Variants in NAV2 observed in about 807,000 individuals in gnomAD.
NAV2 encodes neuron navigator 2.
In NAV2, 54 loss-of-function variants were observed where a neutral mutation model predicts 223.2. The observed-to-expected ratio is 0.24, with a 90% CI of 0.19 to 0.30. NAV2 has a LOEUF of 0.30. Ranked by LOEUF, NAV2 falls within the 10% of genes least tolerant of loss-of-function variation. The probability of loss-of-function intolerance (pLI) is 1.00; values close to 1 mark genes in which losing one functional copy is unlikely to be tolerated. For missense variants in NAV2, 2,806 were observed against 3,147.5 expected (o/e 0.89, Z 2.60); for synonymous variants, 1,279 against 1,239.3 (o/e 1.03, Z -0.67).
At chr11:19,794,235 T>C (rs2152740841) in intron 1 of NAV2, among the ~76,000 whole-genome samples, 1 of 152,318 alleles carries the variant, frequency 6.6e-6, no homozygotes, top group Non-Finnish European at 1.5e-5. Context: ...TGCTCGGCGT[T>C]GTAAGGAGGC....
rs2046240342 is a variant in NAV2 at position 19,597,738 on chromosome 11, GA to G, written c.76-234744del. Among the ~76,000 whole-genome samples the G allele has an allele frequency of 3.9e-5, 6 of 152,248 alleles. 2 individuals are homozygous for G. Among genetic ancestry groups the G allele is most frequent in the Admixed American group, 3.9e-4 (6 of 15,288 alleles). ...ATTCCAGCTTCATGCCCAAGCTGCG[GA>G]AGTCTAAACAAGTGGGCATTTTTAG... On this transcript the variant is annotated intron_variant, in intron 1 of 37. Coordinates refer to the NAV2 transcript ENST00000360655.
chr11:19,616,334 G>GTGTT (rs1565102899), intron 1 of NAV2, among the ~76,000 whole-genome samples: 1 of 148,716 alleles, frequency 6.7e-6, no homozygotes, highest in Non-Finnish European at 1.5e-5. Flanking sequence ...GTGTGTGTGT[G>GTGTT]TGCGCGCGCA....
intron 3 of NAV2, among the ~76,000 whole-genome samples, chr11:19,861,229 G>A (rs1282848737): frequency 1.3e-5 from 2 of 152,176 alleles, no homozygotes; most frequent in Non-Finnish European, 2.9e-5. Context: ...GTGTGAATTT[G>A]TTTATCAGCA....
At chr11:19,766,333 G>A (rs2055221623) in intron 1 of NAV2, among the ~76,000 whole-genome samples, 1 of 152,106 alleles carries the variant, frequency 6.6e-6, no homozygotes, top group Non-Finnish European at 1.5e-5. Context: ...GTGCTGTCAT[G>A]GTCTGAAGGG....
chr11:19,989,831 C>T (rs2051151311), intron 11 of NAV2, among the ~76,000 whole-genome samples: 1 of 152,036 alleles, frequency 6.6e-6, no homozygotes, highest in South Asian at 2.1e-4. Flanking sequence ...GGATTCAAAC[C>T]CAGGCCTGTC....
At chr11:20,047,581 C>G (rs918128983) in intron 14 of NAV2, among the ~76,000 whole-genome samples, 2 of 152,190 alleles carry the variant, frequency 1.3e-5, no homozygotes, top group Non-Finnish European at 1.5e-5. Flanking sequence ...TTTGAAGTAA[C>G]GAGGTCCCTG....
At chr11:19,884,314 CT>C in intron 5 of NAV2, 1 of 1,614,026 alleles carries the variant, frequency 6.2e-7, no homozygotes. Context: ...AAGGACTCAT[CT>C]CAAAGCAAAA....
intron 1 of NAV2, among the ~76,000 whole-genome samples, chr11:19,441,998 T>C (rs1851421157): frequency 6.6e-6 from 1 of 152,262 alleles, no homozygotes; most frequent in Admixed American, 6.5e-5. Flanking sequence ...TTGTGCCTGC[T>C]CTGTTCCCCC....
intron 19 of NAV2, among the ~76,000 whole-genome samples, chr11:20,058,968 G>A (rs950483563): frequency 2.0e-5 from 3 of 152,040 alleles, no homozygotes; most frequent in African/African-American, 7.2e-5. Flanking sequence ...CCAAATTGAG[G>A]CAAAAGTGAC....
intron 1 of NAV2, among the ~76,000 whole-genome samples, chr11:19,630,736 C>T (rs112850382): frequency 0.011 from 1,746 of 151,930 alleles, 35 homozygotes; most frequent in African/African-American, 0.04. Flanking sequence ...ATTAGCTGGA[C>T]GTGGTGGTGC....
chr11:19,964,058 T>C (rs2048556188), intron 10 of NAV2, among the ~76,000 whole-genome samples: 1 of 152,142 alleles, frequency 6.6e-6, no homozygotes, highest in South Asian at 2.1e-4. Context: ...CCCTGAGACC[T>C]CAGAATTGTG....
intron 1 of NAV2, among the ~76,000 whole-genome samples, chr11:19,831,598 CAGA>C (rs999713106): frequency 2.6e-5 from 4 of 152,198 alleles, no homozygotes; most frequent in Admixed American, 6.5e-5. Flanking sequence ...CACTCAAAAT[CAGA>C]AGGTTTTTTG....
At position 19,948,692 on chromosome 11, in the gene NAV2, A is replaced by G; in HGVS notation, c.2257A>G (p.Thr753Ala). 6.4e-7 allele frequency: 1 copy of G among 1,573,788 alleles called. No individual in the cohort carries two copies. Among genetic ancestry groups the G allele is most frequent in the Non-Finnish European group, 8.7e-7 (1 of 1,154,734 alleles). ...TAATCAGGTTGGTTTTGTTTCTAGC[A>G]CATTGGAAACCACGTTTGACACCAA... ...SLRGTQVTHS[T>A]LETTFDTNVT... Residue 753 changes from threonine (T) to alanine (A), a missense_variant and splice_region_variant, in exon 10 of 38, where the codon ACA (threonine) becomes GCA (alanine). By Grantham distance (58) the Thr-to-Ala change is moderately conservative. Around this residue, in one of 4 missense-constraint regions of NAV2, gnomAD observed 1,167 missense variants for 1,180.5 expected, o/e 0.99. Transcript: ENST00000349880.
chr11:20,037,359 G>T (rs1269683202), intron 12 of NAV2, among the ~76,000 whole-genome samples: 2 of 138,188 alleles, frequency 1.4e-5, no homozygotes, highest in Non-Finnish European at 3.1e-5. Flanking sequence ...TCTCTTCTTT[G>T]ACAATAGGGC....
At chr11:19,450,213 T>C (rs1238648482) in intron 1 of NAV2, among the ~76,000 whole-genome samples, 1 of 152,144 alleles carries the variant, frequency 6.6e-6, no homozygotes, top group African/African-American at 2.4e-5. Flanking sequence ...TCTGAGCACC[T>C]GGGGAGTGGC....
At chr11:19,484,159 C>CA (rs1554945488) in intron 1 of NAV2, among the ~76,000 whole-genome samples, 5 of 147,830 alleles carry the variant, frequency 3.4e-5, no homozygotes, top group South Asian at 2.2e-4. Context: ...CACACACACA[C>CA]CCCAAGTCTC....
intron 1 of NAV2, among the ~76,000 whole-genome samples, chr11:19,800,672 G>GGT (rs142402876): frequency 0.073 from 10,647 of 145,778 alleles, 717 homozygotes; most frequent in African/African-American, 0.19. Context: ...AAGGAGAATG[G>GGT]GTGTGTGTGT....
chr11:19,644,067 C>CAT (rs55837617), intron 1 of NAV2, among the ~76,000 whole-genome samples: 57 of 151,750 alleles, frequency 3.8e-4, no homozygotes, highest in Non-Finnish European at 6.8e-4. Flanking sequence ...CCTCTGTGTG[C>CAT]GTGTGTGCAT....
chr11:20,090,877 C>T lies in NAV2; in HGVS notation c.5511C>T (p.Cys1837=), dbSNP rs964167381. The T allele has an allele frequency of 6.2e-7, 1 of 1,613,906 alleles. No individual in the cohort carries two copies. The highest frequency in any genetic ancestry group is 8.5e-7 in the Non-Finnish European group (1 of 1,179,890). Reference sequence around the variant, plus strand: ...CCTCTTTCCCTAGAATTTCAGAATGCATGGATAGTGAAGCTGAGACCGTCA... The same window carrying T: ...CCTCTTTCCCTAGAATTTCAGAATGTATGGATAGTGAAGCTGAGACCGTCA... ...NSHSNSLISE[C]MDSEAETVMQ... The change falls in exon 27 of 38, where the codon TGC becomes TGT. Residue 1837 remains cysteine, a synonymous_variant. Coordinates refer to ENST00000349880, the MANE Select transcript of NAV2 (RefSeq NM_145117.5).
Sources: allele counts gnomAD v4.1 joint callset (sites outside exome capture counted in the v4.1 genomes callset), GRCh38; gene constraint gnomAD v4.1.1; regional missense constraint gnomAD v4.1.1; transcripts MANE v1.5; gene names NCBI Gene and HGNC (gene_info 2026-07-23, HGNC 2026-07-21).